Variants in ME1 observed in about 807,000 individuals in gnomAD.
ME1 encodes the protein NADP-dependent malic enzyme.
ME1 carries 74 observed loss-of-function variants against 66.4 expected under a neutral mutation model. The ratio of observed to expected loss-of-function variants is 1.11; its 90% confidence interval spans 0.92 to 1.35. ME1 has a LOEUF of 1.35. ME1 is among the 40% of genes most tolerant of loss of function. The probability of loss-of-function intolerance (pLI) is 0.00; values close to 1 mark genes in which losing one functional copy is unlikely to be tolerated. For missense variants in ME1, 750 were observed against 694.1 expected (o/e 1.08, Z -0.90); for synonymous variants, 251 against 235.6 (o/e 1.07, Z -0.60).
At chr6:83,272,316 T>A (rs1767097615) in intron 6 of ME1, among the ~76,000 whole-genome samples, 1 of 122,758 alleles carries the variant, frequency 8.1e-6, no homozygotes, top group Non-Finnish European at 1.8e-5. Flanking sequence ...CAGAGAAGCA[T>A]TTTTTTTTCT....
intron 5 of ME1, among the ~76,000 whole-genome samples, chr6:83,333,863 C>A (rs1305427934): frequency 6.6e-6 from 1 of 152,016 alleles, no homozygotes; most frequent in Non-Finnish European, 1.5e-5. Context: ...AAATACTTGC[C>A]CCAAAATTAA....
intron 1 of ME1, among the ~76,000 whole-genome samples, chr6:83,412,811 G>T (rs1387828351): frequency 6.6e-6 from 1 of 152,308 alleles, no homozygotes; most frequent in East Asian, 1.9e-4. Context: ...ATCAGTAGTT[G>T]CCAGGGACTG....
chr6:83,361,369 G>A (rs1769004259), intron 3 of ME1, among the ~76,000 whole-genome samples: 1 of 152,200 alleles, frequency 6.6e-6, no homozygotes, highest in Non-Finnish European at 1.5e-5. Context: ...TGATTTGAGA[G>A]GCAACACATT....
intron 9 of ME1, 32 bp from the exon 10 acceptor site, chr6:83,228,963 T>C: frequency 6.9e-7 from 1 of 1,448,122 alleles, no homozygotes. Flanking sequence ...AAATTAAGAA[T>C]CTGCCAAACA....
intron 13 of ME1, among the ~76,000 whole-genome samples, chr6:83,214,832 T>C (rs891871254): frequency 6.6e-6 from 1 of 152,150 alleles, no homozygotes; most frequent in Non-Finnish European, 1.5e-5. Flanking sequence ...GATCTCCCTC[T>C]CTGAAGTTGG....
At chr6:83,377,660 G>T (rs1195886370) in intron 3 of ME1, among the ~76,000 whole-genome samples, 3 of 151,842 alleles carry the variant, frequency 2.0e-5, no homozygotes. Flanking sequence ...AGAGGTACTA[G>T]GTTGGTAAAT....
At chr6:83,276,466 C>T (rs1207158362) in intron 6 of ME1, among the ~76,000 whole-genome samples, 1 of 152,160 alleles carries the variant, frequency 6.6e-6, no homozygotes, top group Non-Finnish European at 1.5e-5. Context: ...AAGACCTCCA[C>T]ATTAAAAGAC....
intron 9 of ME1, among the ~76,000 whole-genome samples, chr6:83,230,765 A>G (rs1218300489): frequency 6.6e-6 from 1 of 152,022 alleles, no homozygotes; most frequent in Non-Finnish European, 1.5e-5. Flanking sequence ...CCCCGTCTCT[A>G]CTAAAAATAT....
At chr6:83,413,305 C>T (rs900995191) in intron 1 of ME1, among the ~76,000 whole-genome samples, 1 of 152,166 alleles carries the variant, frequency 6.6e-6, no homozygotes, top group African/African-American at 2.4e-5. Flanking sequence ...TCAAATTAAA[C>T]AAAGAATATT....
intron 6 of ME1, among the ~76,000 whole-genome samples, chr6:83,294,458 T>C (rs1767558236): frequency 6.6e-6 from 1 of 152,094 alleles, no homozygotes; most frequent in African/African-American, 2.4e-5. Context: ...GAGAGGAGAA[T>C]GGTCTTTCCT....
rs576724152 is a variant in ME1, at chr6:83,423,436, T to A, written c.78+7441A>T. On this transcript the variant is annotated intron_variant, in intron 1 of 13. Coordinates refer to ENST00000369705, the MANE Select transcript of ME1 (RefSeq NM_002395.6). ...ATGAAACAGAGTAACAGAAATAGTA[T>A]CTACCTGGATAACTCTAATAGATTA... Among the ~76,000 whole-genome samples the A allele has an allele frequency of 4.1e-4, 62 of 152,176 alleles. 1 individual carries two copies. The South Asian group carries it at 0.013, about 31-fold the overall frequency.
At chr6:83,357,935 C>CTCTCTCTCTCTCTCTCTATATA (rs1447805761) in intron 3 of ME1, among the ~76,000 whole-genome samples, 4 of 30,040 alleles carry the variant, frequency 1.3e-4, no homozygotes, top group Non-Finnish European at 1.8e-4. Context: ...CTCTCTCTCT[C>CTCTCTCTCTCTCTCTCTATATA]TATATATATA....
intron 3 of ME1, among the ~76,000 whole-genome samples, chr6:83,394,523 G>T (rs1353440718): frequency 6.6e-6 from 1 of 152,104 alleles, no homozygotes; most frequent in African/African-American, 2.4e-5. Context: ...GGATGATGCG[G>T]CCAACTCTTT....
At chr6:83,311,807 A>G (rs1027560993) in intron 6 of ME1, among the ~76,000 whole-genome samples, 25 of 152,168 alleles carry the variant, frequency 1.6e-4, no homozygotes, top group African/African-American at 5.5e-4. Context: ...CACAATTATC[A>G]TAAGAGTGGC....
intron 6 of ME1, among the ~76,000 whole-genome samples, chr6:83,271,333 T>G (rs989552527): frequency 7.9e-5 from 12 of 152,122 alleles, no homozygotes; most frequent in African/African-American, 2.9e-4. Context: ...GGTGGCTCTA[T>G]CAGGTCATAA....
intron 3 of ME1, among the ~76,000 whole-genome samples, chr6:83,376,395 T>C (rs1379289474): frequency 6.6e-6 from 1 of 150,966 alleles, no homozygotes; most frequent in East Asian, 1.9e-4. Context: ...CTTAGGAGAC[T>C]GAGGCAGGAG....
intron 3 of ME1, among the ~76,000 whole-genome samples, chr6:83,379,442 C>T (rs1769353967): frequency 6.6e-6 from 1 of 151,928 alleles, no homozygotes; most frequent in South Asian, 2.1e-4. Context: ...CTTGTATTTC[C>T]TTTAAGGTAC....
intron 6 of ME1, among the ~76,000 whole-genome samples, chr6:83,265,069 C>T (rs1766965215): frequency 6.6e-6 from 1 of 152,120 alleles, no homozygotes; most frequent in Non-Finnish European, 1.5e-5. Context: ...AAATTACCAC[C>T]TCACCCAACC....
intron 6 of ME1, among the ~76,000 whole-genome samples, chr6:83,308,961 G>A (rs1437084822): frequency 3.9e-5 from 6 of 152,038 alleles, no homozygotes; most frequent in South Asian, 4.1e-4. Flanking sequence ...GGCAGGTATG[G>A]TGAGGATGTC....
Sources: allele counts gnomAD v4.1 joint callset (sites outside exome capture counted in the v4.1 genomes callset), GRCh38; gene constraint gnomAD v4.1.1; transcripts MANE v1.5; gene names NCBI Gene and HGNC (gene_info 2026-07-23, HGNC 2026-07-21).